TFAP2A: variants seen among roughly 807,000 people sequenced by gnomAD.
TFAP2A encodes the protein transcription factor AP-2 alpha.
Under a neutral mutation model 41.5 loss-of-function variants are expected in TFAP2A, and 7 were observed. That is an observed-to-expected ratio of 0.17 (90% CI 0.10 to 0.32). The LOEUF is 0.32. Among genes scored for constraint, TFAP2A ranks in the 10% least tolerant of loss-of-function variants. TFAP2A has a pLI of 1.00. For missense variants in TFAP2A, 416 were observed against 563.3 expected (o/e 0.74, Z 2.65); for synonymous variants, 247 against 242.8 (o/e 1.02, Z -0.16).
intron 4 of TFAP2A, among the ~76,000 whole-genome samples, chr6:10,403,392 G>C (rs75567267): frequency 6.6e-6 from 1 of 152,308 alleles, no homozygotes; most frequent in Admixed American, 6.5e-5. Flanking sequence ...CAGAGGGCAA[G>C]GAAAAGATCT....
At position 10,397,114 on chromosome 6, in the gene TFAP2A, C is replaced by G. The variant is rs1338976093; in HGVS notation, c.*1303G>C. 6.6e-6 allele frequency: 1 copy of G among 152,266 alleles called. No homozygotes were observed. Among genetic ancestry groups the G allele is most frequent in the Non-Finnish European group, 1.5e-5 (1 of 68,034 alleles). 9.4% of individuals were successfully genotyped at this position (152,266 alleles called of 1,614,324 possible). On this transcript the variant is annotated 3_prime_UTR_variant, in exon 7 of 7. Coordinates refer to ENST00000379613, the MANE Select transcript of TFAP2A (RefSeq NM_001372066.1). Reference sequence around the variant, plus strand: ...GATACATTGACAGGCATGGAAACTACTGCCAGCACAACTCAATACAATGCA... The same window carrying G: ...GATACATTGACAGGCATGGAAACTAGTGCCAGCACAACTCAATACAATGCA...
intron 1 of TFAP2A, 75 bp downstream of exon 1, chr6:10,414,866 G>C: frequency 6.3e-7 from 1 of 1,595,092 alleles, no homozygotes; most frequent in Non-Finnish European, 8.6e-7. Context: ...CTGGTTGCAA[G>C]GAGAGGAGGA....
chr6:10,404,544 C>T lies in TFAP2A; in HGVS notation c.734G>A (p.Cys245Tyr), dbSNP rs1561709016. Residue 245 changes from cysteine (C) to tyrosine (Y), a missense_variant, in exon 4 of 7, where the codon TGT becomes TAT. By Grantham distance (194) the Cys-to-Tyr change is radical (BLOSUM62 -2). Transcript: ENST00000379613. ...TCCGCCCAGCAGCGACGCGTTGAGA[C>T]ACTCGGGTGGTGAGAGCCGCCGCTG... is the stretch of plus-strand genomic sequence containing the variant. ...EVQRRLSPPECLNASLLGGVL... is the reference protein window; with the variant it reads ...EVQRRLSPPEYLNASLLGGVL... 6.2e-7 allele frequency: 1 copy of T among 1,613,414 alleles called. No homozygotes were observed. Among genetic ancestry groups the T allele is most frequent in the Admixed American group, 1.7e-5 (1 of 59,970 alleles).
chr6:10,415,442 TA>T (rs1285600669), upstream of TFAP2A: 2 of 322,326 alleles, frequency 6.2e-6, no homozygotes, highest in African/African-American at 2.1e-5. Flanking sequence ...TGCGAACTGA[TA>T]AAACCTTCCT....
At chr6:10,419,209 G>T (rs1758347620), upstream of TFAP2A, among the ~76,000 whole-genome samples, 1 of 152,202 alleles carries the variant, frequency 6.6e-6, no homozygotes, top group Admixed American at 6.5e-5. Flanking sequence ...CGGGCTGCGC[G>T]CTTTGCGCCC....
At chr6:10,403,600 T>C (rs1174181856) in intron 4 of TFAP2A, among the ~76,000 whole-genome samples, 1 of 150,996 alleles carries the variant, frequency 6.6e-6, no homozygotes, top group Non-Finnish European at 1.5e-5. Flanking sequence ...CTCAGTATTA[T>C]TAAAGAAGAG....
chr6:10,406,965 C>A, intron 2 of TFAP2A, 121 bp from the exon 3 acceptor site: 1 of 816,584 alleles, frequency 1.2e-6, no homozygotes, highest in Admixed American at 1.8e-5. Context: ...CGTATAATGA[C>A]ATTTATATAT....
intron 4 of TFAP2A, 96 bp downstream of exon 4, chr6:10,404,412 C>G (rs2857050): frequency 3.5e-6 from 3 of 866,270 alleles, no homozygotes; most frequent in Admixed American, 4.4e-5. Flanking sequence ...AGGGCCGCGG[C>G]GCGAGGCCTG....
intron 6 of TFAP2A, among the ~76,000 whole-genome samples, chr6:10,400,042 A>G (rs544171006): frequency 6.6e-6 from 1 of 152,238 alleles, no homozygotes; most frequent in Non-Finnish European, 1.5e-5. Flanking sequence ...TTTGCAGGCC[A>G]CTGTTTAATC....
At chr6:10,411,755 G>A in intron 1 of TFAP2A, 1 of 1,490,938 alleles carries the variant, frequency 6.7e-7, no homozygotes, top group Non-Finnish European at 8.9e-7. Flanking sequence ...CGGAGCGCGG[G>A]AGCCCGGCTC....
intron 6 of TFAP2A, 141 bp downstream of exon 6, chr6:10,400,307 T>C (rs569322486): frequency 3.0e-6 from 3 of 1,008,798 alleles, no homozygotes; most frequent in Admixed American, 3.8e-5. Flanking sequence ...TAACATAGAC[T>C]ATATATAAGA....
chr6:10,404,467 C>T, intron 4 of TFAP2A, 41 bp downstream of exon 4: 4 of 1,435,580 alleles, frequency 2.8e-6, no homozygotes, highest in South Asian at 2.9e-5. Flanking sequence ...GTGGTTCCCC[C>T]GGCCGCGGGG....
chr6:10,406,958 A>G, intron 2 of TFAP2A, 114 bp from the exon 3 acceptor site: 1 of 853,580 alleles, frequency 1.2e-6, no homozygotes, highest in Admixed American at 1.7e-5. Flanking sequence ...CCCCTCCCGT[A>G]TAATGACATT....
rs550428476 is a variant in TFAP2A, at chr6:10,399,308, C to G, written c.1032-603G>C. 7.9e-5 allele frequency among the ~76,000 whole-genome samples: 12 copies of G among 152,338 alleles called. No homozygotes were observed. The East Asian group carries it at 2.3e-3, about 29-fold the overall frequency. On this transcript the variant is annotated intron_variant, in intron 6 of 6. Transcript: ENST00000379613. ...AAAACAAAACGGGCCCACACAAGCC[C>G]TGTTACTTGGAGATAATTCAAAGTA...
upstream of TFAP2A, chr6:10,415,116 G>A (rs1014040683): frequency 1.9e-6 from 3 of 1,593,776 alleles, no homozygotes; most frequent in African/African-American, 4.0e-5. Flanking sequence ...AGAGGAGGTG[G>A]AGGAGGAGAA....
upstream of TFAP2A, chr6:10,419,275 C>T: frequency 1.1e-6 from 1 of 944,176 alleles, no homozygotes; most frequent in Non-Finnish European, 1.7e-6. Flanking sequence ...CTCCTGGGAG[C>T]TCTCCTGGGC....
intron 4 of TFAP2A, among the ~76,000 whole-genome samples, chr6:10,403,121 G>A (rs1379316722): frequency 1.3e-5 from 2 of 152,214 alleles, no homozygotes; most frequent in African/African-American, 4.8e-5. Flanking sequence ...CATGTCACCA[G>A]CCTAACTGGA....
upstream of TFAP2A, chr6:10,416,596 C>G (rs1429812196): frequency 6.6e-6 from 1 of 152,188 alleles, no homozygotes; most frequent in Non-Finnish European, 1.5e-5. Context: ...CAGAGTTGCT[C>G]TAGTAAGGAC....
Position 10,398,738 on chromosome 6 carries a change from A to AAGGCTCCACT in TFAP2A, c.1032-43_1032-34dup, listed in dbSNP as rs1761893183. ...ACAAGTGGAGCAGAGAGAGAGACAT[A>AAGGCTCCACT]AGGCTCCACTATGGGCAGCACTAGC... is the stretch of plus-strand genomic sequence containing the variant. On this transcript the variant is annotated intron_variant, in intron 6 of 6. Transcript: ENST00000379613. This position sits in a 1 kb window ranked among gnomAD's most constrained non-coding sequence, Gnocchi z 5.3. 1.9e-6 allele frequency: 3 copies of AAGGCTCCACT among 1,611,914 alleles called. No homozygotes were observed. Among genetic ancestry groups the AAGGCTCCACT allele is most frequent in the Non-Finnish European group, 2.5e-6 (3 of 1,178,852 alleles).
Sources: allele counts gnomAD v4.1 joint callset (sites outside exome capture counted in the v4.1 genomes callset), GRCh38; gene constraint gnomAD v4.1.1; non-coding constraint Gnocchi (gnomAD v3.1); transcripts MANE v1.5; gene names NCBI Gene and HGNC (gene_info 2026-07-23, HGNC 2026-07-21).